Variants in OSBPL10 observed in about 807,000 individuals in gnomAD.
OSBPL10 encodes oxysterol binding protein like 10.
In OSBPL10, 49 loss-of-function variants were observed where a neutral mutation model predicts 81.7. The ratio of observed to expected loss-of-function variants is 0.60; its 90% CI spans 0.48 to 0.76. The LOEUF (loss-of-function observed/expected upper bound fraction) is 0.76, where lower values mean the gene tolerates loss of function less well. Ranked by LOEUF, OSBPL10 falls within the 30% of genes least tolerant of loss-of-function variation. OSBPL10 has a pLI of 0.00. For missense variants in OSBPL10, 923 were observed against 987.8 expected (o/e 0.93, Z 0.88); for synonymous variants, 419 against 383.6 (o/e 1.09, Z -1.08).
intron 1 of OSBPL10, among the ~76,000 whole-genome samples, chr3:32,074,090 G>C (rs1699854632): frequency 6.6e-6 from 1 of 151,906 alleles, no homozygotes; most frequent in African/African-American, 2.4e-5. Context: ...CTCTTACACA[G>C]CCATCCCCGC....
intron 4 of OSBPL10, among the ~76,000 whole-genome samples, chr3:31,784,252 C>T (rs538598693): frequency 7.2e-5 from 11 of 151,970 alleles, no homozygotes; most frequent in African/African-American, 2.7e-4. Flanking sequence ...GTCCCAGCTA[C>T]TCAGGAGGCT....
chr3:31,715,715 T>C (rs1057047651), intron 6 of OSBPL10, among the ~76,000 whole-genome samples: 1 of 152,194 alleles, frequency 6.6e-6, no homozygotes, highest in Non-Finnish European at 1.5e-5. Context: ...CTACTACCGA[T>C]GATTTGCTTC....
At chr3:31,741,767 G>A (rs1474054033) in intron 5 of OSBPL10, among the ~76,000 whole-genome samples, 1 of 152,092 alleles carries the variant, frequency 6.6e-6, no homozygotes, top group African/African-American at 2.4e-5. Flanking sequence ...ATTCTCACAT[G>A]TTGTGGGAGA....
chr3:31,676,517 T>G (rs1322317223), intron 8 of OSBPL10, among the ~76,000 whole-genome samples: 2 of 152,218 alleles, frequency 1.3e-5, no homozygotes, highest in Non-Finnish European at 2.9e-5. Context: ...ATTTTCAAAC[T>G]GATAAACTTA....
chr3:31,714,170 A>C (rs1277341924), intron 6 of OSBPL10: 1 of 152,268 alleles, frequency 6.6e-6, no homozygotes, highest in African/African-American at 2.4e-5. Flanking sequence ...AGGGAGACCA[A>C]CATGCACTGG....
rs902041227 is a variant in OSBPL10, at chr3:31,815,730, C to T, written c.729+14310G>A. On this transcript the variant is annotated intron_variant, in intron 4 of 11. Coordinates refer to ENST00000396556, the MANE Select transcript of OSBPL10 (RefSeq NM_017784.5). ...CCTGGCGGTGGCAGGAACCTAACAC[C>T]CTCTGGAGACAAAACCAAGAATAAG... 3.5e-4 allele frequency among the ~76,000 whole-genome samples: 54 copies of T among 152,164 alleles called. 1 individual carries two copies. The highest frequency in any genetic ancestry group is 6.8e-3 in the Middle Eastern group (2 of 294).
At chr3:31,850,786 G>A (rs1013809079) in intron 3 of OSBPL10, among the ~76,000 whole-genome samples, 2 of 152,122 alleles carry the variant, frequency 1.3e-5, no homozygotes, top group Admixed American at 1.3e-4. Context: ...TACTTGCCTT[G>A]CAATGTCGCT....
chr3:31,876,903 C>CTTTTT (rs35788348), intron 2 of OSBPL10, among the ~76,000 whole-genome samples: 4 of 131,754 alleles, frequency 3.0e-5, no homozygotes, highest in South Asian at 2.5e-4. Flanking sequence ...TCAAATGGCA[C>CTTTTT]TTTTTTTTTT....
chr3:31,762,324 C>G (rs1018466828), intron 4 of OSBPL10, among the ~76,000 whole-genome samples: 16 of 152,226 alleles, frequency 1.1e-4, no homozygotes, highest in African/African-American at 3.9e-4. Flanking sequence ...TCAGTAACAG[C>G]CACTACACAA....
Position 31,980,979 on chromosome 3 carries a change from C to G in OSBPL10, c.201G>C (p.Gly67=). 1 of 1,558,330 alleles carries G rather than the reference C, an allele frequency of 6.4e-7. No individual in the cohort carries two copies. Among genetic ancestry groups the G allele is most frequent in the Non-Finnish European group, 8.6e-7 (1 of 1,157,436 alleles). The part of the protein sequence containing the change: ...SPGSVAASPS[G]GGGRRREPAL... ...CCGGCTCCCTCCTGCGGCCGCCTCC[C>G]CCGGACGGGCTAGCGGCCACAGAGC... The change falls in exon 1 of 12, where the codon GGG becomes GGC. Residue 67 remains glycine (G), a synonymous_variant. Transcript: ENST00000396556.
At chr3:31,759,026 G>A (rs6773718) in intron 4 of OSBPL10, among the ~76,000 whole-genome samples, 107,822 of 152,082 alleles carry the variant, frequency 0.71, 39,079 homozygotes, top group East Asian at 0.86. Flanking sequence ...TATGAAGAGT[G>A]AAGAAAAAAA....
chr3:31,741,570 G>A (rs1256231810), intron 5 of OSBPL10, among the ~76,000 whole-genome samples: 1 of 152,162 alleles, frequency 6.6e-6, no homozygotes, highest in Non-Finnish European at 1.5e-5. Flanking sequence ...GCCTCTAACT[G>A]CTTTCTTTAG....
chr3:31,738,177 C>T (rs375906994), intron 5 of OSBPL10, among the ~76,000 whole-genome samples: 1 of 151,740 alleles, frequency 6.6e-6, no homozygotes, highest in Non-Finnish European at 1.5e-5. Context: ...CACCACACTC[C>T]AGCAAAATCA....
chr3:31,769,157 A>G (rs1354297149), intron 4 of OSBPL10, among the ~76,000 whole-genome samples: 1 of 152,156 alleles, frequency 6.6e-6, no homozygotes, highest in South Asian at 2.1e-4. Context: ...ATCAAAGAAC[A>G]GACGGCTGGG....
chr3:31,877,345 C>A (rs1485849045), intron 2 of OSBPL10, among the ~76,000 whole-genome samples: 57 of 151,946 alleles, frequency 3.8e-4, no homozygotes, highest in Non-Finnish European at 5.9e-5. Context: ...AGCAAGATAC[C>A]AAATGCTGCC....
chr3:31,926,289 G>GCCGCCC (rs1553641094), intron 1 of OSBPL10, among the ~76,000 whole-genome samples: 1 of 130,114 alleles, frequency 7.7e-6, no homozygotes, highest in Non-Finnish European at 1.6e-5. Context: ...GGGTGATTTT[G>GCCGCCC]CCCCCCCAGA....
At chr3:31,828,680 G>A (rs1367788062) in intron 4 of OSBPL10, among the ~76,000 whole-genome samples, 1 of 152,080 alleles carries the variant, frequency 6.6e-6, no homozygotes, top group African/African-American at 2.4e-5. Context: ...CTACAGTCAC[G>A]CGCCACCATG....
At chr3:31,869,054 C>G (rs989287951) in intron 3 of OSBPL10, among the ~76,000 whole-genome samples, 13 of 152,202 alleles carry the variant, frequency 8.5e-5, no homozygotes, top group Non-Finnish European at 1.9e-4. Flanking sequence ...GGAGTCTGAA[C>G]TTCCAAGCAG....
Position 31,829,933 on chromosome 3 carries a change from C to T in OSBPL10, c.729+107G>A, listed in dbSNP as rs939986956. ...GTGGCTGGGAGGTTTGCTGCTGGTCCTCTCTCCATAAATCAAGACGGCGCA... is the reference window on the plus strand; with the variant it reads ...GTGGCTGGGAGGTTTGCTGCTGGTCTTCTCTCCATAAATCAAGACGGCGCA... On this transcript the variant is annotated intron_variant, in intron 4 of 11. Coordinates refer to ENST00000396556, the MANE Select transcript of OSBPL10 (RefSeq NM_017784.5). The T allele has an allele frequency of 4.3e-6, 5 of 1,155,490 alleles. No homozygotes were observed. In the African/African-American group the frequency reaches 6.3e-5, roughly 15 times the overall value. The allele number at this position is 1,155,490 out of a possible 1,614,324, so 71.6% of individuals were successfully genotyped here. A position where few individuals can be genotyped will look rare whatever the true frequency, so the allele number is the denominator to read the frequency against.
Sources: gnomAD v4.1 joint callset for allele counts (sites outside exome capture counted in the v4.1 genomes callset) on GRCh38, gnomAD v4.1.1 for gene constraint, MANE v1.5 for transcripts, NCBI Gene and HGNC (gene_info 2026-07-23, HGNC 2026-07-21) for gene names.